Variants in ACAN observed in about 807,000 individuals in gnomAD.
ACAN encodes the protein aggrecan core protein.
A neutral mutation model predicts 169.1 loss-of-function variants in ACAN; 47 were observed. The observed-to-expected ratio is 0.28, with a 90% CI of 0.22 to 0.35. The LOEUF (loss-of-function observed/expected upper bound fraction) is 0.35. ACAN is among the 10% of genes least tolerant of loss of function. ACAN has a pLI of 1.00. For missense variants in ACAN, 2,716 were observed against 2,759.9 expected (o/e 0.98, Z 0.36); for synonymous variants, 1,115 against 1,112.2 (o/e 1.00, Z -0.05).
At chr15:88,845,265 A>G (rs1479504553) in intron 6 of ACAN, among the ~76,000 whole-genome samples, 1 of 152,236 alleles carries the variant, frequency 6.6e-6, no homozygotes, top group East Asian at 1.9e-4. Context: ...TCATTGGTCA[A>G]TATCTTGCCC....
chr15:88,870,490 A>T lies in ACAN; in HGVS notation c.7061-892A>T, dbSNP rs1272217897. On this transcript the variant is annotated intron_variant, in intron 14 of 18. Coordinates refer to ENST00000560601, the MANE Select transcript of ACAN (RefSeq NM_001369268.1). The surrounding 1 kb of genome is among the most constrained non-coding windows in gnomAD (Gnocchi z 6.3). Reference sequence around the variant, plus strand: ...GCATCTGCCAATTCCTGAGGTGTAAATGCTTCCACCGGGGCCAGTTTAAAG... The same window carrying T: ...GCATCTGCCAATTCCTGAGGTGTAATTGCTTCCACCGGGGCCAGTTTAAAG... Among the ~76,000 whole-genome samples, 4 of 152,158 alleles carry T rather than the reference A, an allele frequency of 2.6e-5. No individual in the cohort carries two copies. The highest frequency in any genetic ancestry group is 1.5e-5 in the Non-Finnish European group (1 of 68,032).
chr15:88,811,665 C>T (rs996968025), intron 1 of ACAN, among the ~76,000 whole-genome samples: 5 of 152,160 alleles, frequency 3.3e-5, no homozygotes, highest in Non-Finnish European at 7.4e-5. Flanking sequence ...TACCTGGCCA[C>T]CTGCCTCCCC....
intron 13 of ACAN, among the ~76,000 whole-genome samples, chr15:88,863,249 T>C (rs553081829): frequency 2.0e-5 from 3 of 152,300 alleles, no homozygotes; most frequent in African/African-American, 7.2e-5. Context: ...AAAGCAAGAC[T>C]ATTCTATTCT....
At chr15:88,840,291 T>TG in intron 4 of ACAN, 105 bp downstream of exon 4, 1 of 1,374,768 alleles carries the variant, frequency 7.3e-7, no homozygotes, top group Non-Finnish European at 9.6e-7. Flanking sequence ...GGTGCCAGCA[T>TG]GACACTGTGG....
rs1190802246 is a variant in ACAN at position 88,838,310 on chromosome 15, T to A, written c.71-353T>A. Reference sequence around the variant, plus strand: ...TAAGCTGTCACTCCAAGGAGATGGGTCCTGTTTTATTCCACGCTTTGGTGC... The same window carrying A: ...TAAGCTGTCACTCCAAGGAGATGGGACCTGTTTTATTCCACGCTTTGGTGC... On this transcript the variant is annotated intron_variant, in intron 2 of 18. Transcript: ENST00000560601. This position sits in a 1 kb window ranked among gnomAD's most constrained non-coding sequence, Gnocchi z 5.1. Among the ~76,000 whole-genome samples the A allele has an allele frequency of 6.6e-6, 1 of 152,090 alleles. No homozygotes were observed. Among genetic ancestry groups the A allele is most frequent in the East Asian group, 1.9e-4 (1 of 5,178 alleles).
chr15:88,818,593 T>C (rs962184029), intron 1 of ACAN, among the ~76,000 whole-genome samples: 8 of 152,196 alleles, frequency 5.3e-5, no homozygotes, highest in Non-Finnish European at 1.0e-4. Flanking sequence ...ATGGCCCTCA[T>C]AGCAAGCCAA....
intron 1 of ACAN, among the ~76,000 whole-genome samples, chr15:88,824,281 G>A (rs1036291584): frequency 2.0e-5 from 3 of 151,206 alleles, no homozygotes; most frequent in Admixed American, 1.3e-4. Flanking sequence ...CCAAGATTGC[G>A]CCACTGCACT....
At chr15:88,829,492 G>A (rs1243744056) in intron 1 of ACAN, among the ~76,000 whole-genome samples, 1 of 152,156 alleles carries the variant, frequency 6.6e-6, no homozygotes, top group Non-Finnish European at 1.5e-5. Context: ...TCTTGGTGTA[G>A]GGTCCCTGGC....
At chr15:88,829,914 A>G (rs1896317065) in intron 1 of ACAN, among the ~76,000 whole-genome samples, 1 of 152,224 alleles carries the variant, frequency 6.6e-6, no homozygotes, top group Non-Finnish European at 1.5e-5. Flanking sequence ...AGTCTGCGTG[A>G]TGAGACAGAG....
intron 11 of ACAN, among the ~76,000 whole-genome samples, chr15:88,852,395 A>G (rs2280470): frequency 0.67 from 102,501 of 152,032 alleles, 35,646 homozygotes; most frequent in African/African-American, 0.81. Context: ...TCTTGTGGGA[A>G]GATCTCTAAT....
chr15:88,816,883 A>C (rs1458160262), intron 1 of ACAN, among the ~76,000 whole-genome samples: 2 of 152,154 alleles, frequency 1.3e-5, no homozygotes, highest in Non-Finnish European at 2.9e-5. Context: ...GAGCGAGAAA[A>C]ACTTTGAGCC....
rs986946446 is a variant in ACAN at position 88,874,059 on chromosome 15, G to T, written c.7630+35G>T. The T allele has an allele frequency of 1.2e-6, 2 of 1,602,736 alleles. No individual in the cohort carries two copies. ...ACCCCGGCCATCTCGCTGAGCACAG[G>T]GTTAGATTCTGCCAGCACAGCCTTC... is the stretch of plus-strand genomic sequence containing the variant. On this transcript the variant is annotated intron_variant, in intron 18 of 18. Coordinates refer to ENST00000560601, the MANE Select transcript of ACAN (RefSeq NM_001369268.1). This position sits in a 1 kb window ranked among gnomAD's most constrained non-coding sequence, Gnocchi z 7.3.
At position 88,859,943 on chromosome 15, in the gene ACAN, A is replaced by G. The variant is rs138351276; in HGVS notation, c.6833-383A>G. ...AGGAACTATGAAGTGTCATTTGGCT[A>G]TCTGGTTTTAGATTCTGCATCCCCA... is the stretch of plus-strand genomic sequence containing the variant. On this transcript the variant is annotated intron_variant, in intron 12 of 18. Coordinates refer to ENST00000560601, the MANE Select transcript of ACAN (RefSeq NM_001369268.1). Among the ~76,000 whole-genome samples the G allele has an allele frequency of 5.9e-3, 903 of 152,158 alleles. 64 individuals carry two copies. The South Asian group carries it at 0.15, about 25-fold the overall frequency.
Position 88,868,467 on chromosome 15 carries a change from C to A in ACAN, c.7060+138C>A. 1 of 587,510 alleles carries A rather than the reference C, an allele frequency of 1.7e-6. No homozygotes were observed. The highest frequency in any genetic ancestry group is 3.0e-6 in the Non-Finnish European group (1 of 330,668). The allele number at this position is 587,510 out of a possible 1,614,324, so 36.4% of individuals were successfully genotyped here. A position where few individuals can be genotyped will look rare whatever the true frequency, so the allele number is the denominator to read the frequency against. On this transcript the variant is annotated intron_variant, in intron 14 of 18. Transcript: ENST00000560601. The surrounding 1 kb of genome is among the most constrained non-coding windows in gnomAD (Gnocchi z 5.2). ...ATCTGGAGAGCCATTTCAGGGGCCA[C>A]AACTGAAAATTCTGCCCCACTGATT...
chr15:88,848,409 A>G (rs1432326536), intron 9 of ACAN, among the ~76,000 whole-genome samples: 2 of 151,584 alleles, frequency 1.3e-5, no homozygotes, highest in African/African-American at 4.9e-5. Flanking sequence ...GTCCTGCAGT[A>G]AAAACAAAAA....
chr15:88,823,564 C>G (rs1397826167), intron 1 of ACAN, among the ~76,000 whole-genome samples: 1 of 152,068 alleles, frequency 6.6e-6, no homozygotes, highest in Non-Finnish European at 1.5e-5. Context: ...GGGTAAGAAT[C>G]GTGGGAAAAG....
Position 88,841,811 on chromosome 15 carries a change from G to C in ACAN, c.701G>C (p.Gly234Ala), listed in dbSNP as rs776609333. ...KDEFPGVRTY[G>A]IRDTNETYDV... is the part of the protein sequence containing the mutation. Reference sequence around the variant, plus strand: ...GAGTTTCCTGGTGTGAGGACGTATGGCATCCGAGACACCAACGAGACCTAT... The same window carrying C: ...GAGTTTCCTGGTGTGAGGACGTATGCCATCCGAGACACCAACGAGACCTAT... The change falls in exon 5 of 19, where the codon GGC (glycine) becomes GCC (alanine). Residue 234 changes from glycine to alanine, a missense_variant. Around this residue, in one of 3 missense-constraint regions of ACAN, gnomAD observed 1,283 missense variants for 1,281.5 expected, o/e 1.00. Transcript: ENST00000560601. The C allele has an allele frequency of 6.2e-7, 1 of 1,613,486 alleles. No individual in the cohort carries two copies. Among genetic ancestry groups the C allele is most frequent in the Non-Finnish European group, 8.5e-7 (1 of 1,179,784 alleles).
chr15:88,864,555 G>A (rs8037675), intron 13 of ACAN, among the ~76,000 whole-genome samples: 9,674 of 152,254 alleles, frequency 0.064, 481 homozygotes, highest in African/African-American at 0.13. Flanking sequence ...GTGAGCCACC[G>A]CGCTGGGCCT....
chr15:88,823,067 G>A (rs1896119315), intron 1 of ACAN, among the ~76,000 whole-genome samples: 1 of 152,186 alleles, frequency 6.6e-6, no homozygotes. Context: ...TTTACTGGAG[G>A]TCACTTATTA....
Sources: allele counts gnomAD v4.1 joint callset (sites outside exome capture counted in the v4.1 genomes callset), GRCh38; gene constraint gnomAD v4.1.1; regional missense constraint gnomAD v4.1.1; non-coding constraint Gnocchi (gnomAD v3.1); transcripts MANE v1.5; gene names NCBI Gene and HGNC (gene_info 2026-07-23, HGNC 2026-07-21).